Variants in TAOK3 observed in about 807,000 individuals in gnomAD.
TAOK3 encodes serine/threonine-protein kinase TAO3.
In TAOK3, 40 loss-of-function variants were observed where a neutral mutation model predicts 120.4. That is an observed-to-expected ratio of 0.33 (90% CI 0.26 to 0.43). The LOEUF (loss-of-function observed/expected upper bound fraction) is 0.43. TAOK3 is among the 20% of genes least tolerant of loss of function. The probability of loss-of-function intolerance (pLI) is 1.00; values close to 1 mark genes in which losing one functional copy is unlikely to be tolerated. For missense variants in TAOK3, 821 were observed against 1,112.1 expected (o/e 0.74, Z 3.72); for synonymous variants, 355 against 387.5 (o/e 0.92, Z 0.99).
chr12:118,150,476 CTTTGT>C lies in TAOK3; in HGVS notation c.*516_*520del, dbSNP rs1449298533. On this transcript the variant is annotated 3_prime_UTR_variant, in exon 21 of 21. Transcript: ENST00000392533. ...ATCAAATTTTCAATCTTTAATAAAA[CTTTGT>C]TTTTTTTATTCCTGATGAATAAATA... 7.3e-6 allele frequency: 1 copy of C among 137,580 alleles called. No individual in the cohort carries two copies. Among genetic ancestry groups the C allele is most frequent in the African/African-American group, 2.7e-5 (1 of 37,068 alleles). 8.5% of individuals were successfully genotyped at this position (137,580 alleles called of 1,614,324 possible). A position where few individuals can be genotyped will look rare whatever the true frequency, so the allele number is the denominator to read the frequency against.
intron 3 of TAOK3, among the ~76,000 whole-genome samples, chr12:118,253,574 C>G (rs1181064113): frequency 6.6e-6 from 1 of 150,590 alleles, no homozygotes; most frequent in African/African-American, 2.5e-5. Context: ...CCCATCTCTA[C>G]AAAAATACAA....
intron 1 of TAOK3, among the ~76,000 whole-genome samples, chr12:118,303,235 C>T (rs769259381): frequency 9.2e-5 from 14 of 152,048 alleles, no homozygotes; most frequent in African/African-American, 1.4e-4. Flanking sequence ...ATTCCTTATC[C>T]TCCTCCTCTG....
chr12:118,182,624 T>TATATATATA (rs371618546), intron 14 of TAOK3, among the ~76,000 whole-genome samples: 119 of 59,068 alleles, frequency 2.0e-3, no homozygotes, highest in African/African-American at 8.4e-3. Context: ...TATATATATA[T>TATATATATA]TTTTTTTTTT....
intron 20 of TAOK3, among the ~76,000 whole-genome samples, chr12:118,151,933 G>C (rs2034476755): frequency 6.6e-6 from 1 of 152,144 alleles, no homozygotes; most frequent in Non-Finnish European, 1.5e-5. Context: ...GTACCTTTCA[G>C]GTGTCACATC....
intron 1 of TAOK3, among the ~76,000 whole-genome samples, chr12:118,269,696 C>A (rs2140304190): frequency 6.6e-6 from 1 of 152,188 alleles, no homozygotes; most frequent in African/African-American, 2.4e-5. Context: ...TCTTAAAATG[C>A]ATGCATATTC....
At chr12:118,312,147 T>C (rs139824150) in intron 1 of TAOK3, among the ~76,000 whole-genome samples, 7 of 152,270 alleles carry the variant, frequency 4.6e-5, no homozygotes, top group African/African-American at 1.4e-4. Context: ...AAATCTATAA[T>C]TTTAAAAAAC....
At chr12:118,188,099 G>A (rs2037184387) in intron 14 of TAOK3, among the ~76,000 whole-genome samples, 1 of 152,130 alleles carries the variant, frequency 6.6e-6, no homozygotes, top group Non-Finnish European at 1.5e-5. Context: ...AGAGAAAAAA[G>A]AACCTGTCCC....
At chr12:118,339,526 C>T (rs914476017) in intron 1 of TAOK3, among the ~76,000 whole-genome samples, 8 of 151,500 alleles carry the variant, frequency 5.3e-5, no homozygotes, top group Non-Finnish European at 1.2e-4. Context: ...TGAATCATAT[C>T]AGAGGGCTTT....
chr12:118,163,052 T>TA (rs2035324262), intron 17 of TAOK3, among the ~76,000 whole-genome samples: 1 of 152,246 alleles, frequency 6.6e-6, no homozygotes, highest in African/African-American at 2.4e-5. Flanking sequence ...CAGATTTAGA[T>TA]ACGTGGCCCA....
At chr12:118,345,540 A>G (rs991514916) in intron 1 of TAOK3, among the ~76,000 whole-genome samples, 3 of 152,212 alleles carry the variant, frequency 2.0e-5, no homozygotes, top group African/African-American at 7.2e-5. Context: ...GTTTGGGAAG[A>G]TAAGTGCATG....
chr12:118,364,189 T>C (rs921994716), intron 1 of TAOK3, among the ~76,000 whole-genome samples: 17 of 152,116 alleles, frequency 1.1e-4, no homozygotes, highest in African/African-American at 4.1e-4. Context: ...GTACTGAGTT[T>C]GGTAGGTCAT....
At chr12:118,261,112 C>G (rs1427276067) in intron 2 of TAOK3, among the ~76,000 whole-genome samples, 1 of 152,120 alleles carries the variant, frequency 6.6e-6, no homozygotes, top group Non-Finnish European at 1.5e-5. Flanking sequence ...CAGGAACTAT[C>G]CAAAATAAAA....
In TAOK3 at chr12:118,161,487, A is replaced by G. The variant is rs1243202073; in HGVS notation, c.2139+301T>C. On this transcript the variant is annotated intron_variant, in intron 18 of 20. Coordinates refer to ENST00000392533, the MANE Select transcript of TAOK3 (RefSeq NM_016281.4). This position sits in a 1 kb window ranked among gnomAD's most constrained non-coding sequence, Gnocchi z 4.5. ...CCTTATTTCCTGGGATTAAAACCAT[A>G]AACTGCTATTAGTCCAGTTTTGAAG... Among the ~76,000 whole-genome samples, 1 of 152,216 alleles carries G rather than the reference A, an allele frequency of 6.6e-6. No homozygotes were observed.
intron 1 of TAOK3, among the ~76,000 whole-genome samples, chr12:118,286,438 A>G (rs1478430807): frequency 6.6e-6 from 1 of 152,200 alleles, no homozygotes; most frequent in Non-Finnish European, 1.5e-5. Context: ...AATTCTCAAA[A>G]GATATTACAA....
intron 9 of TAOK3, among the ~76,000 whole-genome samples, chr12:118,221,894 A>G (rs1004417553): frequency 6.6e-6 from 1 of 152,012 alleles, no homozygotes; most frequent in African/African-American, 2.4e-5. Flanking sequence ...TCGGCCTCCT[A>G]AAGTGCTGGG....
rs1042362074 is a variant in TAOK3 at position 118,372,062 on chromosome 12, G to A, written c.-194+586C>T. Among the ~76,000 whole-genome samples the A allele has an allele frequency of 6.6e-6, 1 of 151,820 alleles. No homozygotes were observed. Among genetic ancestry groups the A allele is most frequent in the African/African-American group, 2.4e-5 (1 of 41,352 alleles). On this transcript the variant is annotated intron_variant, in intron 1 of 20. Coordinates refer to ENST00000392533, the MANE Select transcript of TAOK3 (RefSeq NM_016281.4). This position sits in a 1 kb window ranked among gnomAD's most constrained non-coding sequence, Gnocchi z 4.6. ...CCTTCCTGGGGTCTTCTCACACTCT[G>A]TTCTAAGCCCTCTGGGGATCCCCTG...
At chr12:118,189,672 T>C in intron 14 of TAOK3, 135 bp downstream of exon 14, 2 of 1,103,566 alleles carry the variant, frequency 1.8e-6, no homozygotes, top group East Asian at 2.5e-5. Flanking sequence ...ATGAATAAAA[T>C]TATTAGGAGA....
chr12:118,308,537 A>C (rs7307393), intron 1 of TAOK3, among the ~76,000 whole-genome samples: 15,569 of 152,094 alleles, frequency 0.1, 1,002 homozygotes, highest in Middle Eastern at 0.15. Flanking sequence ...GTGTCATCTG[A>C]CTCCTAGGAT....
chr12:118,363,755 T>TGA (rs112300856), intron 1 of TAOK3, among the ~76,000 whole-genome samples: 2,493 of 141,728 alleles, frequency 0.018, 37 homozygotes, highest in African/African-American at 0.042. Flanking sequence ...TGTGTGTGTG[T>TGA]GAGAGAGAGA....
Sources: gnomAD v4.1 joint callset for allele counts (sites outside exome capture counted in the v4.1 genomes callset) on GRCh38, gnomAD v4.1.1 for gene constraint, Gnocchi (gnomAD v3.1) non-coding constraint, MANE v1.5 for transcripts, NCBI Gene and HGNC (gene_info 2026-07-23, HGNC 2026-07-21) for gene names.